Variants in FUNDC2 observed in about 807,000 individuals in gnomAD.
FUNDC2 encodes the protein FUN14 domain-containing protein 2.
Under a neutral mutation model 15.6 loss-of-function variants are expected in FUNDC2, and 4 were observed. The ratio of observed to expected loss-of-function variants is 0.26; its 90% CI spans 0.13 to 0.59. The LOEUF is 0.59. Ranked by LOEUF, FUNDC2 falls within the 20% of genes least tolerant of loss-of-function variation. The pLI, the probability that FUNDC2 is intolerant of heterozygous loss-of-function variation, is 0.90. For missense variants in FUNDC2, 98 were observed against 149.7 expected (o/e 0.65, Z 1.80); for synonymous variants, 44 against 56.9 (o/e 0.77, Z 1.02).
At position 155,057,044 on chromosome X, in the gene FUNDC2, CT is replaced by C. The variant is rs1569560298; in HGVS notation, c.*2373del. ...AGTATTGCAGGTTGGCCTCATCCTG[CT>C]AGTATGAGAACGGCTGTGAGTTCTG... On this transcript the variant is annotated 3_prime_UTR_variant, in exon 5 of 5. Coordinates refer to ENST00000369498, the MANE Select transcript of FUNDC2 (RefSeq NM_023934.4). 4 of 95,441 alleles carry C rather than the reference CT, an allele frequency of 4.2e-5. No individual in the cohort carries two copies. The highest frequency in any genetic ancestry group is 6.7e-5 in the Non-Finnish European group (3 of 44,481). The allele number at this position is 95,441 out of a possible 1,213,427, so 7.9% of individuals were successfully genotyped here. A position where few individuals can be genotyped will look rare whatever the true frequency, so the allele number is the denominator to read the frequency against.
At chrX:155,048,774 CT>C (rs782666021) in intron 3 of FUNDC2, among the ~76,000 whole-genome samples, 139 of 112,345 alleles carry the variant, frequency 1.2e-3, no homozygotes, top group African/African-American at 4.2e-3. Context: ...TTTGAATAGA[CT>C]TTTTATTATT....
chrX:155,053,530 C>A (rs782451603), intron 4 of FUNDC2, among the ~76,000 whole-genome samples: 2 of 111,387 alleles, frequency 1.8e-5, no homozygotes, highest in South Asian at 7.6e-4. Flanking sequence ...TTTTTCTTCA[C>A]CCCAATGGCA....
intron 1 of FUNDC2, 74 bp downstream of exon 1, chrX:155,027,145 C>T (rs1557288332): frequency 1.4e-5 from 14 of 990,408 alleles, no homozygotes; most frequent in Non-Finnish European, 1.7e-5. Flanking sequence ...AAGGGCTCCG[C>T]GCCCGCCAGT....
chrX:155,047,893 G>C lies in FUNDC2; in HGVS notation c.360+1309G>C, dbSNP rs1163911883. On this transcript the variant is annotated intron_variant, in intron 3 of 4. Coordinates refer to ENST00000369498, the MANE Select transcript of FUNDC2 (RefSeq NM_023934.4). ...TCACTTTTGTTGGCTGCTTCCCTGT[G>C]GGCTTGTTACGTGCTGGCTCTGTTG... Among the ~76,000 whole-genome samples, 8 of 110,601 alleles carry C rather than the reference G, an allele frequency of 7.2e-5. No individual in the cohort carries two copies. In the East Asian group the frequency reaches 2.3e-3, roughly 31 times the overall value.
intron 3 of FUNDC2, chrX:155,046,989 A>C (rs1051681988): frequency 1.5e-5 from 3 of 206,385 alleles, no homozygotes; most frequent in Non-Finnish European, 2.7e-5. Context: ...GCTAAGTGAC[A>C]GTACAGTCAG....
intron 4 of FUNDC2, among the ~76,000 whole-genome samples, chrX:155,052,371 C>G (rs1396411654): frequency 1.8e-5 from 2 of 112,458 alleles, no homozygotes; most frequent in African/African-American, 6.5e-5. Context: ...ACTGCAGGGA[C>G]AGGAGAAGTC....
At chrX:155,044,814 A>T (rs73569604) in intron 2 of FUNDC2, among the ~76,000 whole-genome samples, 175 of 112,166 alleles carry the variant, frequency 1.6e-3, no homozygotes, top group African/African-American at 5.5e-3. Flanking sequence ...TCCTAAAGAA[A>T]TTAAAATTAG....
intron 4 of FUNDC2, 101 bp from the exon 5 acceptor site, chrX:155,054,494 G>A (rs2073887939): frequency 8.5e-7 from 1 of 1,169,653 alleles, no homozygotes; most frequent in South Asian, 2.0e-5. Flanking sequence ...ACCGATGAGG[G>A]GATTGACATT....
chrX:155,042,096 GA>G (rs1266263452), intron 2 of FUNDC2, among the ~76,000 whole-genome samples: 6 of 87,556 alleles, frequency 6.9e-5, no homozygotes, highest in Admixed American at 1.3e-4. Flanking sequence ...AGAAAAAAAA[GA>G]AAAAAAAGAT....
intron 1 of FUNDC2, among the ~76,000 whole-genome samples, chrX:155,030,716 G>C (rs1223783771): frequency 4.0e-4 from 35 of 87,857 alleles, no homozygotes; most frequent in African/African-American, 1.5e-3. Flanking sequence ...ATGGAGTTTC[G>C]CTCTTGTTGC....
intron 2 of FUNDC2, among the ~76,000 whole-genome samples, chrX:155,042,368 G>A (rs1466230008): frequency 1.9e-5 from 2 of 107,305 alleles, no homozygotes; most frequent in Non-Finnish European, 3.9e-5. Flanking sequence ...TGTATTTTTA[G>A]TAGAGATGGG....
In FUNDC2 at chrX:155,026,866, G is replaced by T; in HGVS notation, c.-73G>T. Reference sequence around the variant, plus strand: ...TGTGACACCGCACGCTGAGCTCTGTGATGTAGCCGCTTGCGGAGACTGCAA... The same window carrying T: ...TGTGACACCGCACGCTGAGCTCTGTTATGTAGCCGCTTGCGGAGACTGCAA... On this transcript the variant is annotated 5_prime_UTR_variant, in exon 1 of 5. Transcript: ENST00000369498. 8.7e-7 allele frequency: 1 copy of T among 1,151,671 alleles called. No homozygotes were observed. The highest frequency in any genetic ancestry group is 1.2e-6 in the Non-Finnish European group (1 of 866,401). 94.9% of individuals were successfully genotyped at this position (1,151,671 alleles called of 1,213,427 possible).
rs143561775 is a variant in FUNDC2 at position 155,033,410 on chromosome X, T to C, written c.141T>C (p.Phe47=). Residue 47 remains phenylalanine (F), a synonymous_variant, in exon 2 of 5, where the codon TTT becomes TTC. Transcript: ENST00000369498. ...TEMAASSQGN[F]EGNFESLDLA... ...ACGTATTACTTCTTGTAGGAAACTT[T>C]GAGGGAAATTTTGAGTCACTGGACC... The C allele has an allele frequency of 2.0e-5, 24 of 1,203,514 alleles. No homozygotes were observed. The highest frequency in any genetic ancestry group is 2.3e-4 in the Middle Eastern group (1 of 4,349).
chrX:155,028,037 C>A (rs1357397089), intron 1 of FUNDC2, among the ~76,000 whole-genome samples: 1 of 65,353 alleles, frequency 1.5e-5, no homozygotes, highest in African/African-American at 7.8e-5. Flanking sequence ...ATGTATTTTC[C>A]TGCAGAGCAG....
chrX:155,055,651 C>A lies in FUNDC2; in HGVS notation c.*979C>A, dbSNP rs1012338466. Reference sequence around the variant, plus strand: ...ACACACACACACACACGGGCACACACGCACACACAGAATCTTACCACATTT... The same window carrying A: ...ACACACACACACACACGGGCACACAAGCACACACAGAATCTTACCACATTT... On this transcript the variant is annotated 3_prime_UTR_variant, in exon 5 of 5. Transcript: ENST00000369498. 1.0e-4 allele frequency: 17 copies of A among 164,853 alleles called. No homozygotes were observed. Among genetic ancestry groups the A allele is most frequent in the Non-Finnish European group, 1.9e-4 (17 of 88,014 alleles). The allele number at this position is 164,853 out of a possible 1,213,427, so 13.6% of individuals were successfully genotyped here.
rs2073890131 is a variant in FUNDC2 at position 155,055,130 on chromosome X, T to A, written c.*458T>A. The A allele has an allele frequency of 6.7e-6, 2 of 298,783 alleles. No homozygotes were observed. The highest frequency in any genetic ancestry group is 9.4e-5 in the East Asian group (2 of 21,172). The allele number at this position is 298,783 out of a possible 1,213,427, so 24.6% of individuals were successfully genotyped here. On this transcript the variant is annotated 3_prime_UTR_variant, in exon 5 of 5. Transcript: ENST00000369498. ...TGAAAGATTTTGGTATCTTGGTGTCTACTTTCTTTTTTAGTTGGTTTTACA... is the reference window on the plus strand; with the variant it reads ...TGAAAGATTTTGGTATCTTGGTGTCAACTTTCTTTTTTAGTTGGTTTTACA...
intron 2 of FUNDC2, among the ~76,000 whole-genome samples, chrX:155,040,373 C>T (rs1185702134): frequency 1.8e-5 from 2 of 112,054 alleles, no homozygotes; most frequent in Non-Finnish European, 3.8e-5. Context: ...CCACAGTCTG[C>T]TTTCTGTCCT....
At chrX:155,045,151 C>T (rs1445759329) in intron 2 of FUNDC2, among the ~76,000 whole-genome samples, 1 of 111,591 alleles carries the variant, frequency 9.0e-6, no homozygotes, top group African/African-American at 3.3e-5. Context: ...GTCATATATA[C>T]AGTTGTATAA....
rs1169948890 is a variant in FUNDC2, at chrX:155,059,585, T to A, written c.*4913T>A. Reference sequence around the variant, plus strand: ...AATGTTAAGCCTTCTATGATGGCTATTTTATTTTTTTGTATGTCATAATAA... The same window carrying A: ...AATGTTAAGCCTTCTATGATGGCTAATTTATTTTTTTGTATGTCATAATAA... On this transcript the variant is annotated 3_prime_UTR_variant, in exon 5 of 5. Transcript: ENST00000369498. 5 of 111,851 alleles carry A rather than the reference T, an allele frequency of 4.5e-5. No individual in the cohort carries two copies. The highest frequency in any genetic ancestry group is 1.6e-4 in the African/African-American group (5 of 30,734). The allele number at this position is 111,851 out of a possible 1,213,427, so 9.2% of individuals were successfully genotyped here.
Sources: gnomAD v4.1 joint callset for allele counts (sites outside exome capture counted in the v4.1 genomes callset) on GRCh38, gnomAD v4.1.1 for gene constraint, MANE v1.5 for transcripts, NCBI Gene and HGNC (gene_info 2026-07-23, HGNC 2026-07-21) for gene names.